Variants in SUGCT observed in about 807,000 individuals in gnomAD.
SUGCT encodes the protein succinyl-CoA:glutarate CoA-transferase.
SUGCT carries 41 observed loss-of-function variants against 55.0 expected under a neutral mutation model. The ratio of observed to expected loss-of-function variants is 0.74; its 90% CI spans 0.58 to 0.97. The LOEUF is 0.97. Ranked by LOEUF, SUGCT falls within the 50% of genes least tolerant of loss-of-function variation. The pLI is 0.00. For missense variants in SUGCT, 568 were observed against 547.8 expected (o/e 1.04, Z -0.37); for synonymous variants, 187 against 200.4 (o/e 0.93, Z 0.56).
At chr7:40,562,630 T>C (rs543588160) in intron 12 of SUGCT, among the ~76,000 whole-genome samples, 2 of 152,292 alleles carry the variant, frequency 1.3e-5, no homozygotes, top group East Asian at 1.9e-4. Flanking sequence ...TTAATTATAA[T>C]GGAAGCTGTT....
chr7:40,256,858 T>C (rs914257574), intron 7 of SUGCT, among the ~76,000 whole-genome samples: 7 of 151,940 alleles, frequency 4.6e-5, no homozygotes, highest in African/African-American at 1.7e-4. Context: ...ATTCTCTTGC[T>C]CTGGCCTCCT....
At chr7:40,600,616 A>G (rs917361232) in intron 12 of SUGCT, among the ~76,000 whole-genome samples, 1 of 152,208 alleles carries the variant, frequency 6.6e-6, no homozygotes, top group Non-Finnish European at 1.5e-5. Context: ...TGAAGCCTCA[A>G]ATACCTTTGG....
At chr7:40,867,881 C>G in the SUGCT span, among the ~76,000 whole-genome samples, 1 of 152,170 alleles carries the variant, frequency 6.6e-6, no homozygotes, top group Non-Finnish European at 1.5e-5. Context: ...TGGTGGTTCT[C>G]TTCTATTAAA....
chr7:40,486,227 A>G (rs1183202438), intron 11 of SUGCT, among the ~76,000 whole-genome samples: 1 of 152,104 alleles, frequency 6.6e-6, no homozygotes, highest in Admixed American at 6.6e-5. Flanking sequence ...TTAGGAATGT[A>G]TCTGTTTCTT....
At chr7:40,535,572 T>A (rs926039943) in intron 12 of SUGCT, among the ~76,000 whole-genome samples, 2 of 152,234 alleles carry the variant, frequency 1.3e-5, no homozygotes, top group Admixed American at 6.5e-5. Flanking sequence ...TGCACTTACA[T>A]GTTCATTGCA....
At chr7:41,002,836 G>GGACA in the SUGCT span, among the ~76,000 whole-genome samples, 1 of 152,082 alleles carries the variant, frequency 6.6e-6, no homozygotes, top group Non-Finnish European at 1.5e-5. Flanking sequence ...AGCTTGAAAG[G>GGACA]GCTGGGGCCT....
chr7:40,731,555 T>C (rs1020003260), intron 12 of SUGCT, among the ~76,000 whole-genome samples: 2 of 152,100 alleles, frequency 1.3e-5, no homozygotes, highest in African/African-American at 4.8e-5. Context: ...ATCTTAGAAA[T>C]GAATTGAAAG....
At chr7:40,990,005 C>A in the SUGCT span, among the ~76,000 whole-genome samples, 1 of 152,176 alleles carries the variant, frequency 6.6e-6, no homozygotes, top group Admixed American at 6.5e-5. Flanking sequence ...TTGACTTTAT[C>A]CCATGAATTA....
intron 13 of SUGCT, among the ~76,000 whole-genome samples, chr7:40,793,901 G>A (rs544002836): frequency 6.6e-6 from 1 of 152,170 alleles, no homozygotes; most frequent in East Asian, 1.9e-4. Flanking sequence ...GCTGTTTGCA[G>A]TTTGCTAAAT....
chr7:40,216,450 A>T (rs1248064415), intron 6 of SUGCT, among the ~76,000 whole-genome samples: 1 of 150,364 alleles, frequency 6.7e-6, no homozygotes, highest in Non-Finnish European at 1.5e-5. Flanking sequence ...TAGTGAGCCA[A>T]GATCGTGCCA....
the SUGCT span, among the ~76,000 whole-genome samples, chr7:40,916,538 G>T: frequency 6.6e-6 from 1 of 152,298 alleles, no homozygotes; most frequent in East Asian, 1.9e-4. Context: ...GAGATAAACT[G>T]AATCCTGATA....
chr7:40,320,603 T>A (rs1795674588), intron 9 of SUGCT, among the ~76,000 whole-genome samples: 2 of 152,194 alleles, frequency 1.3e-5, no homozygotes, highest in Non-Finnish European at 2.9e-5. Flanking sequence ...TTTCATAGCC[T>A]GCATCTATCT....
chr7:40,374,334 T>G (rs1784439198), intron 9 of SUGCT, among the ~76,000 whole-genome samples: 1 of 151,996 alleles, frequency 6.6e-6, no homozygotes, highest in African/African-American at 2.4e-5. Flanking sequence ...GGTGTCATCC[T>G]CATTTTACAG....
chr7:40,623,293 CTATT>C (rs1283786545), intron 12 of SUGCT, among the ~76,000 whole-genome samples: 1 of 152,162 alleles, frequency 6.6e-6, no homozygotes, highest in Non-Finnish European at 1.5e-5. Context: ...CAATGCTACT[CTATT>C]TCAGTCATCC....
intron 12 of SUGCT, among the ~76,000 whole-genome samples, chr7:40,717,944 A>G (rs1222833345): frequency 6.6e-6 from 1 of 152,184 alleles, no homozygotes; most frequent in Non-Finnish European, 1.5e-5. Flanking sequence ...TTATTCACAT[A>G]TTTTAGTTTT....
intron 5 of SUGCT, among the ~76,000 whole-genome samples, chr7:40,192,882 C>T (rs1172695636): frequency 6.6e-6 from 1 of 151,754 alleles, no homozygotes; most frequent in Non-Finnish European, 1.5e-5. Context: ...ATCTACCTGC[C>T]TCAGCCTCCC....
At chr7:40,377,344 G>C (rs1784655609) in intron 9 of SUGCT, among the ~76,000 whole-genome samples, 2 of 150,028 alleles carry the variant, frequency 1.3e-5, no homozygotes, top group Admixed American at 1.3e-4. Context: ...CCGGATTCAA[G>C]CGATTCTTGT....
intron 11 of SUGCT, among the ~76,000 whole-genome samples, chr7:40,484,376 G>A (rs905638047): frequency 3.3e-5 from 5 of 152,174 alleles, no homozygotes; most frequent in African/African-American, 4.8e-5. Context: ...CCATTGGGTT[G>A]ATCAGTGGTT....
chr7:40,777,307 A>G (rs1159189828), intron 13 of SUGCT, among the ~76,000 whole-genome samples: 1 of 152,188 alleles, frequency 6.6e-6, no homozygotes, highest in African/African-American at 2.4e-5. Context: ...GGAGGTATGC[A>G]TCAGACTGGG....
Sources: gnomAD v4.1 joint callset for allele counts (sites outside exome capture counted in the v4.1 genomes callset) on GRCh38, gnomAD v4.1.1 for gene constraint, MANE v1.5 for transcripts, NCBI Gene and HGNC (gene_info 2026-07-23, HGNC 2026-07-21) for gene names.